Variants in DDX47 observed in about 807,000 individuals in gnomAD.
The protein encoded by DDX47 is probable ATP-dependent RNA helicase DDX47.
In DDX47, 60 loss-of-function variants were observed where a neutral mutation model predicts 58.8. The ratio of observed to expected loss-of-function variants is 1.02; its 90% CI spans 0.83 to 1.26. DDX47 has a LOEUF of 1.26. Among genes scored for constraint, DDX47 ranks in the 50% most tolerant of loss-of-function variants. DDX47 has a pLI of 0.00. For missense variants in DDX47, 530 were observed against 573.2 expected, an observed-to-expected ratio of 0.92 and a Z score of 0.77; for synonymous variants, 197 against 204.6, an observed-to-expected ratio of 0.96 and a Z score of 0.32.
intron 4 of DDX47, 62 bp from the exon 5 acceptor site, chr12:12,821,903 G>T: frequency 1.6e-6 from 2 of 1,281,492 alleles, no homozygotes; most frequent in Non-Finnish European, 1.1e-6. Flanking sequence ...TTGTTTATTT[G>T]TTTTGTTTTT....
chr12:12,814,172 A>G lies in DDX47; in HGVS notation c.129A>G (p.Gly43=). The G allele has an allele frequency of 6.2e-7, 1 of 1,613,966 alleles. No homozygotes were observed. Among genetic ancestry groups the G allele is most frequent in the Non-Finnish European group, 8.5e-7 (1 of 1,179,850 alleles). Residue 43 remains glycine, a synonymous_variant, in exon 2 of 12, where the codon GGA becomes GGG. Transcript: ENST00000358007. ...TGTGTGAAGCTTGTGACCAGTTGGGATGGACAAAACCCACCAAGATCCAGA... is the reference window on the plus strand; with the variant it reads ...TGTGTGAAGCTTGTGACCAGTTGGGGTGGACAAAACCCACCAAGATCCAGA... ...DVLCEACDQL[G]WTKPTKIQIE...
chr12:12,828,581 A>T (rs536338855), intron 11 of DDX47, among the ~76,000 whole-genome samples: 131 of 152,304 alleles, frequency 8.6e-4, no homozygotes, highest in African/African-American at 3.1e-3. Flanking sequence ...TTCTGGTCTG[A>T]GGGATGGAGA....
chr12:12,820,635 G>C (rs1449370754), intron 2 of DDX47: 1 of 153,638 alleles, frequency 6.5e-6, no homozygotes, highest in Non-Finnish European at 1.4e-5. Flanking sequence ...CCGAGTAGCT[G>C]GGATTACAGG....
intron 11 of DDX47, among the ~76,000 whole-genome samples, chr12:12,827,876 CTTTTTTTT>C (rs58725534): frequency 7.5e-6 from 1 of 132,778 alleles, no homozygotes; most frequent in African/African-American, 2.8e-5. Context: ...TTTCTTTTTT[CTTTTTTTT>C]TTTTTTTTTG....
At chr12:12,824,079 A>G (rs1426961202) in intron 8 of DDX47, 63 bp downstream of exon 8, 42 of 1,561,852 alleles carry the variant, frequency 2.7e-5, no homozygotes, top group Non-Finnish European at 3.5e-5. Context: ...ACCTCCTAAC[A>G]GTAGGTTTGT....
intron 5 of DDX47, among the ~76,000 whole-genome samples, chr12:12,822,381 G>A (rs1479094851): frequency 6.6e-6 from 1 of 152,054 alleles, no homozygotes; most frequent in Non-Finnish European, 1.5e-5. Flanking sequence ...AGCTTACTTA[G>A]TTGATTAATA....
rs548716724 is a variant in DDX47 at position 12,815,708 on chromosome 12, A to G, written c.181+1484A>G. On this transcript the variant is annotated intron_variant, in intron 2 of 11. Transcript: ENST00000358007. The stretch of plus-strand genomic sequence containing the variant: ...AGCCAACTGGAAAACATGGGCATGT[A>G]TGGAGATTTGCAAGTACTTAGCAGA... Among the ~76,000 whole-genome samples, 19 of 152,296 alleles carry G rather than the reference A, an allele frequency of 1.2e-4. No individual in the cohort carries two copies. In the South Asian group the frequency reaches 2.7e-3, roughly 22 times the overall value.
intron 9 of DDX47, chr12:12,825,168 C>T (rs915878958): frequency 3.9e-5 from 6 of 153,788 alleles, no homozygotes; most frequent in South Asian, 2.0e-4. Flanking sequence ...GGGGTTTCAC[C>T]GTGTTAGTCA....
At chr12:12,819,425 C>T (rs948184740) in intron 2 of DDX47, among the ~76,000 whole-genome samples, 5 of 151,492 alleles carry the variant, frequency 3.3e-5, no homozygotes, top group East Asian at 1.9e-4. Context: ...GGCATGGGAC[C>T]GGGCATATAT....
Position 12,821,870 on chromosome 12 carries a change from TG to T in DDX47, c.443-91del, listed in dbSNP as rs959310809. On this transcript the variant is annotated intron_variant, in intron 4 of 11. Coordinates refer to ENST00000358007, the MANE Select transcript of DDX47 (RefSeq NM_016355.4). The stretch of plus-strand genomic sequence containing the variant: ...TTAAGTTAAATTTGGTGGAGAGCTG[TG>T]GGGTGGGGCAGATAACTTTATTTGT... 2.9e-5 allele frequency: 33 copies of T among 1,131,598 alleles called. 1 individual carries two copies. In the African/African-American group the frequency reaches 5.0e-4, roughly 17 times the overall value. The allele number at this position is 1,131,598 out of a possible 1,614,324, so 70.1% of individuals were successfully genotyped here. A position where few individuals can be genotyped will look rare whatever the true frequency, so the allele number is the denominator to read the frequency against.
intron 11 of DDX47, 69 bp downstream of exon 11, chr12:12,827,444 A>C (rs1863069337): frequency 6.5e-7 from 1 of 1,541,088 alleles, no homozygotes; most frequent in African/African-American, 1.4e-5. Context: ...TTATTATATT[A>C]ACCCTCATAC....
intron 9 of DDX47, 41 bp from the exon 10 acceptor site, chr12:12,825,959 T>C (rs367616019): frequency 1.7e-5 from 26 of 1,524,134 alleles, no homozygotes; most frequent in African/African-American, 1.7e-4. Context: ...TTTAAACTTA[T>C]AATCCATATA....
chr12:12,827,278 A>G lies in DDX47; in HGVS notation c.1139A>G (p.His380Arg), dbSNP rs753028864. ...YDVELFQRIE[H>R]LIGKKLPGFP... is the part of the protein sequence containing the mutation. ...GTGGAACTCTTCCAGCGCATAGAAC[A>G]CTTAATTGGGAAGAAACTACCAGGT... is the stretch of plus-strand genomic sequence containing the variant. The change falls in exon 11 of 12, where the codon CAC becomes CGC. Residue 380 changes from histidine (H) to arginine (R), a missense_variant. Coordinates refer to ENST00000358007, the MANE Select transcript of DDX47 (RefSeq NM_016355.4). The G allele has an allele frequency of 4.3e-6, 7 of 1,614,172 alleles. No homozygotes were observed. In the Admixed American group the frequency reaches 1.2e-4, roughly 27 times the overall value.
chr12:12,823,163 T>A, intron 6 of DDX47, 40 bp from the exon 7 acceptor site: 1 of 1,237,774 alleles, frequency 8.1e-7, no homozygotes, highest in Non-Finnish European at 1.2e-6. Context: ...ATAAAGAGTG[T>A]TTAGGCATCA....
In DDX47 at chr12:12,814,210, C is replaced by T. The variant is rs746640214; in HGVS notation, c.167C>T (p.Pro56Leu). The T allele has an allele frequency of 9.3e-6, 15 of 1,610,062 alleles. No homozygotes were observed. Among genetic ancestry groups the T allele is most frequent in the East Asian group, 2.2e-5 (1 of 44,836 alleles). Reference sequence around the variant, plus strand: ...ACCAAGATCCAGATTGAAGCTATTCCTTTGGCCTTACAAGGTAGGTTGTAT... The same window carrying T: ...ACCAAGATCCAGATTGAAGCTATTCTTTTGGCCTTACAAGGTAGGTTGTAT... ...KPTKIQIEAI[P>L]LALQGRDIIG... is the part of the protein sequence containing the mutation. Residue 56 changes from proline (P) to leucine (L), a missense_variant, in exon 2 of 12, where the codon CCT becomes CTT. Transcript: ENST00000358007.
At chr12:12,825,603 C>T (rs1291740379) in intron 9 of DDX47, among the ~76,000 whole-genome samples, 1 of 152,014 alleles carries the variant, frequency 6.6e-6, no homozygotes, top group Non-Finnish European at 1.5e-5. Flanking sequence ...TATTTCTATT[C>T]CTGTTCACTA....
chr12:12,816,274 G>T (rs1862896483), intron 2 of DDX47, among the ~76,000 whole-genome samples: 1 of 152,164 alleles, frequency 6.6e-6, no homozygotes, highest in South Asian at 2.1e-4. Context: ...AAGTTCTGAA[G>T]ATCTATTGAA....
At position 12,829,647 on chromosome 12, in the gene DDX47, C is replaced by A; in HGVS notation, c.*93C>A. 6.8e-7 allele frequency: 1 copy of A among 1,470,830 alleles called. No homozygotes were observed. The highest frequency in any genetic ancestry group is 1.4e-5 in the South Asian group (1 of 72,832). The allele number at this position is 1,470,830 out of a possible 1,614,324, so 91.1% of individuals were successfully genotyped here. A position where few individuals can be genotyped will look rare whatever the true frequency, so the allele number is the denominator to read the frequency against. On this transcript the variant is annotated 3_prime_UTR_variant, in exon 12 of 12. Coordinates refer to ENST00000358007, the MANE Select transcript of DDX47 (RefSeq NM_016355.4). ...CAGAGATCATGAGACTGAAATTGGT[C>A]AGAATTGTGTCCAGAATGTGCTCAG...
intron 8 of DDX47, 24 bp downstream of exon 8, chr12:12,824,040 G>T: frequency 3.1e-6 from 5 of 1,608,376 alleles, no homozygotes; most frequent in Non-Finnish European, 4.2e-6. Context: ...ATCATCATCA[G>T]CCATGCACTG....
Sources: gnomAD v4.1 joint callset for allele counts (sites outside exome capture counted in the v4.1 genomes callset) on GRCh38, gnomAD v4.1.1 for gene constraint, MANE v1.5 for transcripts, NCBI Gene and HGNC (gene_info 2026-07-23, HGNC 2026-07-21) for gene names.